Variants in MMP16 observed in about 807,000 individuals in gnomAD.
MMP16 encodes the protein matrix metalloproteinase-16.
Under a neutral mutation model 67.8 loss-of-function variants are expected in MMP16, and 12 were observed. The ratio of observed to expected loss-of-function variants is 0.18; its 90% CI spans 0.11 to 0.29. The LOEUF (loss-of-function observed/expected upper bound fraction) is 0.29. Among genes scored for constraint, MMP16 ranks in the 10% least tolerant of loss-of-function variants. The pLI is 1.00. For missense variants in MMP16, 475 were observed against 765.7 expected (o/e 0.62, Z 4.48); for synonymous variants, 249 against 255.9 (o/e 0.97, Z 0.26).
chr8:88,197,466 G>C (rs532586512), intron 1 of MMP16, among the ~76,000 whole-genome samples, 160 bp from the exon 2 acceptor site: 17 of 151,982 alleles, frequency 1.1e-4, no homozygotes, highest in Admixed American at 2.6e-4. Context: ...TATTATGTAG[G>C]TTAGGTTATT....
chr8:88,176,593 A>C (rs1341376082), intron 3 of MMP16, among the ~76,000 whole-genome samples: 1 of 152,172 alleles, frequency 6.6e-6, no homozygotes, highest in Non-Finnish European at 1.5e-5. Context: ...TTTGTATGGT[A>C]AGGGGTAGGT....
At chr8:88,258,540 T>TA (rs1810340151) in intron 1 of MMP16, among the ~76,000 whole-genome samples, 1 of 152,064 alleles carries the variant, frequency 6.6e-6, no homozygotes, top group South Asian at 2.1e-4. Context: ...ACAAAATCAC[T>TA]AAAAAAAGCA....
At chr8:88,107,457 C>G (rs1297818254) in intron 6 of MMP16, among the ~76,000 whole-genome samples, 5 of 150,948 alleles carry the variant, frequency 3.3e-5, no homozygotes, top group Non-Finnish European at 7.4e-5. Flanking sequence ...CATTACTTCT[C>G]TATTTTTATG....
intron 1 of MMP16, among the ~76,000 whole-genome samples, chr8:88,216,903 C>G (rs560345558): frequency 3.9e-5 from 6 of 152,132 alleles, no homozygotes; most frequent in African/African-American, 1.4e-4. Context: ...TTTTGAATTA[C>G]ATAAATATCT....
intron 1 of MMP16, among the ~76,000 whole-genome samples, chr8:88,264,043 TA>T (rs1810434814): frequency 4.0e-5 from 4 of 99,022 alleles, no homozygotes; most frequent in Non-Finnish European, 6.5e-5. Context: ...CATATATATA[TA>T]TATATATATA....
rs33928858 is a variant in MMP16 at position 88,203,104 on chromosome 8, C to CTTT, written c.133-5801_133-5799dup. Among the ~76,000 whole-genome samples the CTTT allele has an allele frequency of 8.8e-3, 1,082 of 123,096 alleles. 53 individuals carry two copies. Among genetic ancestry groups the CTTT allele is most frequent in the East Asian group, 0.063 (264 of 4,158 alleles). 80.8% of individuals were successfully genotyped at this position (123,096 alleles called of 152,430 possible). A position where few individuals can be genotyped will look rare whatever the true frequency, so the allele number is the denominator to read the frequency against. Reference sequence around the variant, plus strand: ...ATGAAGGTACAAAATACCAGAACTTCTTTTTTTTTTTTTTTTTTGAGACAG... The same window carrying CTTT: ...ATGAAGGTACAAAATACCAGAACTTCTTTTTTTTTTTTTTTTTTTTTGAGACAG... On this transcript the variant is annotated intron_variant, in intron 1 of 9. Transcript: ENST00000286614.
chr8:88,169,650 C>G (rs941298393), intron 3 of MMP16, among the ~76,000 whole-genome samples: 1 of 151,986 alleles, frequency 6.6e-6, no homozygotes, highest in Non-Finnish European at 1.5e-5. Context: ...AATAAGATAG[C>G]AAACCAAGTG....
chr8:88,053,164 C>T (rs1163011283), intron 8 of MMP16, among the ~76,000 whole-genome samples: 1 of 152,138 alleles, frequency 6.6e-6, no homozygotes, highest in Non-Finnish European at 1.5e-5. Flanking sequence ...GAATGTGCTG[C>T]CTCATGTTCA....
At chr8:88,063,141 A>T (rs1808421873) in intron 7 of MMP16, among the ~76,000 whole-genome samples, 1 of 152,132 alleles carries the variant, frequency 6.6e-6, no homozygotes, top group Non-Finnish European at 1.5e-5. Flanking sequence ...ATAGCTTTAA[A>T]AATGTTTAGA....
At chr8:88,198,576 A>G (rs1291407302) in intron 1 of MMP16, among the ~76,000 whole-genome samples, 1 of 152,156 alleles carries the variant, frequency 6.6e-6, no homozygotes, top group Non-Finnish European at 1.5e-5. Context: ...ATAGAAGTTA[A>G]ATTTCACCAA....
rs28988879 is a variant in MMP16 at position 88,041,803 on chromosome 8, GA to G, written c.1490-9del. 6.3e-3 allele frequency: 9,930 copies of G among 1,586,312 alleles called. 528 individuals are homozygous for G. In the African/African-American group the frequency reaches 0.11, roughly 18 times the overall value. ...TGTAGAAATACGTAAAGCCTAGGGG[GA>G]AAAACATACACACACACAGGTACCA... On this transcript the variant is annotated splice_polypyrimidine_tract_variant and intron_variant, in intron 9 of 9. Coordinates refer to ENST00000286614, the MANE Select transcript of MMP16 (RefSeq NM_005941.5). The surrounding 1 kb of genome is among the most constrained non-coding windows in gnomAD (Gnocchi z 6.0).
At chr8:88,148,660 G>C (rs1204403579) in intron 4 of MMP16, among the ~76,000 whole-genome samples, 1 of 152,064 alleles carries the variant, frequency 6.6e-6, no homozygotes, top group Non-Finnish European at 1.5e-5. Context: ...CTGATCATTT[G>C]GAGATATCCT....
At chr8:88,074,556 T>C (rs1264113825) in intron 7 of MMP16, 49 bp downstream of exon 7, 5 of 1,589,096 alleles carry the variant, frequency 3.1e-6, no homozygotes, top group African/African-American at 1.3e-5. Flanking sequence ...CAGGGTCCTA[T>C]ACAAAATGAT....
At chr8:88,259,586 C>CA (rs1394308797) in intron 1 of MMP16, among the ~76,000 whole-genome samples, 1 of 141,246 alleles carries the variant, frequency 7.1e-6, no homozygotes, top group Admixed American at 7.1e-5. Flanking sequence ...AATAGCCAAG[C>CA]AAAAAAATAA....
chr8:88,268,013 T>C (rs914553188), intron 1 of MMP16, among the ~76,000 whole-genome samples: 10 of 152,182 alleles, frequency 6.6e-5, no homozygotes, highest in African/African-American at 2.4e-4. Flanking sequence ...TCCTACCAAC[T>C]GTACTGGGAT....
chr8:88,147,254 G>T (rs533061599), intron 4 of MMP16, among the ~76,000 whole-genome samples: 1 of 151,882 alleles, frequency 6.6e-6, no homozygotes, highest in African/African-American at 2.4e-5. Flanking sequence ...TATCCTTGAA[G>T]ATTTACTATG....
chr8:88,070,689 G>C (rs1808538248), intron 7 of MMP16, among the ~76,000 whole-genome samples: 1 of 152,028 alleles, frequency 6.6e-6, no homozygotes, highest in African/African-American at 2.4e-5. Flanking sequence ...CTCTGCCTTG[G>C]TTCCCCTACG....
At chr8:88,156,090 T>C (rs1356596390) in intron 4 of MMP16, among the ~76,000 whole-genome samples, 1 of 152,146 alleles carries the variant, frequency 6.6e-6, no homozygotes, top group Non-Finnish European at 1.5e-5. Flanking sequence ...GCACTTAAAT[T>C]AGCACTTGAT....
At chr8:88,213,060 T>C (rs1309340821) in intron 1 of MMP16, among the ~76,000 whole-genome samples, 4 of 152,162 alleles carry the variant, frequency 2.6e-5, no homozygotes, top group African/African-American at 9.7e-5. Flanking sequence ...TTTTTGTATG[T>C]ATAACATGTT....
Sources: allele counts gnomAD v4.1 joint callset (sites outside exome capture counted in the v4.1 genomes callset), GRCh38; gene constraint gnomAD v4.1.1; non-coding constraint Gnocchi (gnomAD v3.1); transcripts MANE v1.5; gene names NCBI Gene and HGNC (gene_info 2026-07-23, HGNC 2026-07-21).